CHST15: variants seen among roughly 807,000 people sequenced by gnomAD.
CHST15 encodes the protein B cell RAG associated protein (GALNAC4S-6ST).
Under a neutral mutation model 53.6 loss-of-function variants are expected in CHST15, and 30 were observed. The observed-to-expected ratio is 0.56, with a 90% CI of 0.42 to 0.76. The LOEUF is 0.76. CHST15 is among the 30% of genes least tolerant of loss of function. CHST15 has a pLI of 0.00. For missense variants in CHST15, 627 were observed against 740.5 expected, an observed-to-expected ratio of 0.85 and a Z score of 1.78; for synonymous variants, 296 against 289.8, an observed-to-expected ratio of 1.02 and a Z score of -0.22.
intron 4 of CHST15, among the ~76,000 whole-genome samples, chr10:124,039,467 G>C (rs1590239624): frequency 6.6e-6 from 1 of 152,238 alleles, no homozygotes; most frequent in African/African-American, 2.4e-5. Context: ...TCATCACAGA[G>C]CATACTCTAA....
chr10:124,028,473 C>T (rs1320886782), intron 5 of CHST15, among the ~76,000 whole-genome samples: 7 of 151,576 alleles, frequency 4.6e-5, no homozygotes, highest in African/African-American at 1.2e-4. Context: ...AAATGATCCA[C>T]GTACCGTAGC....
At chr10:124,039,074 AAC>A (rs1192736895) in intron 4 of CHST15, among the ~76,000 whole-genome samples, 1 of 152,292 alleles carries the variant, frequency 6.6e-6, no homozygotes, top group African/African-American at 2.4e-5. Context: ...CTGTCAGAAA[AAC>A]ACGCCAAAAC....
chr10:124,043,979 GCAGCACAGAGCAGAGGAA>G (rs1564879034), intron 3 of CHST15, among the ~76,000 whole-genome samples: 5 of 136,298 alleles, frequency 3.7e-5, no homozygotes, highest in South Asian at 2.3e-4. Flanking sequence ...AGAGCAGGGA[GCAGCACAGAGCAGAGGAA>G]CAGCACAGAG....
At chr10:124,020,292 G>A in intron 6 of CHST15, 1 of 985,490 alleles carries the variant, frequency 1.0e-6, no homozygotes, top group African/African-American at 1.7e-5. Flanking sequence ...CCAGCAAATG[G>A]CCAAGCTGGA....
At chr10:124,015,796 T>C (rs918785513) in intron 6 of CHST15, among the ~76,000 whole-genome samples, 2 of 152,134 alleles carry the variant, frequency 1.3e-5, no homozygotes, top group African/African-American at 4.8e-5. Flanking sequence ...GAAACAGACT[T>C]CCGCGATCAC....
intron 1 of CHST15, among the ~76,000 whole-genome samples, chr10:124,054,947 C>A (rs1948325752): frequency 6.6e-6 from 1 of 152,140 alleles, no homozygotes; most frequent in African/African-American, 2.4e-5. Flanking sequence ...ATACTCCAAG[C>A]CATAGACTCC....
chr10:124,058,251 C>T (rs973846907), intron 1 of CHST15, among the ~76,000 whole-genome samples: 9 of 152,216 alleles, frequency 5.9e-5, no homozygotes, highest in African/African-American at 1.9e-4. Context: ...CGAGGACAGT[C>T]ATATAGCTGC....
At chr10:124,043,017 T>C (rs1197703650) in intron 3 of CHST15, among the ~76,000 whole-genome samples, 1 of 152,164 alleles carries the variant, frequency 6.6e-6, no homozygotes, top group African/African-American at 2.4e-5. Flanking sequence ...GATCATACTC[T>C]AGACAGACAT....
chr10:124,039,865 A>G (rs1358738894), intron 4 of CHST15, among the ~76,000 whole-genome samples: 1 of 152,224 alleles, frequency 6.6e-6, no homozygotes, highest in Non-Finnish European at 1.5e-5. Context: ...ACCACAGGAC[A>G]CATCTGAAAG....
At position 124,068,405 on chromosome 10, in the gene CHST15, C is replaced by CCAAGCAAAGA. The variant is rs757561421; in HGVS notation, c.-512-21682_-512-21681insTCTTTGCTTG. On this transcript the variant is annotated intron_variant, in intron 1 of 7. Transcript: ENST00000435907. ...GGAAGCACCAAGCAAGGACAGGGCACCTGGGAAGTTCAGGAATCGTTGGCA... is the reference window on the plus strand; with the variant it reads ...GGAAGCACCAAGCAAGGACAGGGCACCAAGCAAAGACTGGGAAGTTCAGGAATCGTTGGCA... Among the ~76,000 whole-genome samples, 226 of 152,270 alleles carry CCAAGCAAAGA rather than the reference C, an allele frequency of 1.5e-3. 1 individual carries two copies. The highest frequency in any genetic ancestry group is 1.1e-3 in the Non-Finnish European group (77 of 68,028).
intron 6 of CHST15, among the ~76,000 whole-genome samples, chr10:124,016,807 T>C (rs1432229244): frequency 2.0e-5 from 3 of 152,192 alleles, no homozygotes; most frequent in African/African-American, 7.2e-5. Context: ...CTGGCAGTAA[T>C]GAACAAAGGT....
intron 6 of CHST15, among the ~76,000 whole-genome samples, chr10:124,014,578 C>T (rs966835385): frequency 5.3e-5 from 8 of 152,224 alleles, no homozygotes; most frequent in African/African-American, 1.4e-4. Flanking sequence ...CCAACGCAGA[C>T]GAATCATGAC....
chr10:124,012,467 A>G lies in CHST15; in HGVS notation c.1361T>C (p.Val454Ala). Reference protein sequence around the residue: ...LNNAMPVRLQVGLYAVYLLDW... With the variant: ...LNNAMPVRLQAGLYAVYLLDW... Reference sequence around the variant, plus strand: ...CAGAAGGTACACAGCATAGAGCCCAACCTGGAGCCTCACCTAGGACCACAG... The same window carrying G: ...CAGAAGGTACACAGCATAGAGCCCAGCCTGGAGCCTCACCTAGGACCACAG... The change falls in exon 7 of 8, where the codon GTT (valine) becomes GCT (alanine). Residue 454 changes from valine to alanine, a missense_variant. Coordinates refer to ENST00000435907, the MANE Select transcript of CHST15 (RefSeq NM_001270764.2). 6.2e-7 allele frequency: 1 copy of G among 1,613,224 alleles called. No individual in the cohort carries two copies. Among genetic ancestry groups the G allele is most frequent in the South Asian group, 1.1e-5 (1 of 91,020 alleles).
At chr10:124,087,913 G>A (rs1016439517) in intron 1 of CHST15, among the ~76,000 whole-genome samples, 2 of 152,246 alleles carry the variant, frequency 1.3e-5, no homozygotes, top group Admixed American at 6.5e-5. Context: ...AAGGGTAGCT[G>A]TTTACCAGTG....
chr10:124,018,373 C>G (rs1946657010), intron 6 of CHST15, among the ~76,000 whole-genome samples: 1 of 152,234 alleles, frequency 6.6e-6, no homozygotes, highest in Non-Finnish European at 1.5e-5. Flanking sequence ...AATTTCCTCT[C>G]TTTGCTTTGC....
rs749045697 is a variant in CHST15, at chr10:124,038,681, GAA to G, written c.1034-12_1034-11del. ...GAGGCACTGGCCTCCCCTGGAAACA[GAA>G]AACACTCCAAGTGAGCAGGGGTGTG... On this transcript the variant is annotated splice_polypyrimidine_tract_variant and intron_variant, in intron 4 of 7. Coordinates refer to ENST00000435907, the MANE Select transcript of CHST15 (RefSeq NM_001270764.2). The G allele has an allele frequency of 6.2e-7, 1 of 1,613,656 alleles. No individual in the cohort carries two copies. The highest frequency in any genetic ancestry group is 8.5e-7 in the Non-Finnish European group (1 of 1,179,774).
chr10:124,012,113 T>C (rs1402098509), intron 7 of CHST15, among the ~76,000 whole-genome samples: 1 of 152,160 alleles, frequency 6.6e-6, no homozygotes, highest in Non-Finnish European at 1.5e-5. Flanking sequence ...AACCATCTCC[T>C]TCTCTCCAGA....
In CHST15 at chr10:124,010,047, G is replaced by A; in HGVS notation, c.*102C>T. Reference sequence around the variant, plus strand: ...GTGCCTAGAGTGGCAGAGTCCTGGGGTTTTCCATACCATGAGTGAAACAGT... The same window carrying A: ...GTGCCTAGAGTGGCAGAGTCCTGGGATTTTCCATACCATGAGTGAAACAGT... On this transcript the variant is annotated 3_prime_UTR_variant, in exon 8 of 8. Transcript: ENST00000435907. 3.1e-6 allele frequency: 5 copies of A among 1,593,334 alleles called. No homozygotes were observed. Among genetic ancestry groups the A allele is most frequent in the Non-Finnish European group, 4.3e-6 (5 of 1,170,898 alleles).
At chr10:124,047,968 T>C (rs866933668) in intron 1 of CHST15, among the ~76,000 whole-genome samples, 2 of 152,194 alleles carry the variant, frequency 1.3e-5, no homozygotes, top group Admixed American at 6.5e-5. Context: ...ACTGTCTCCA[T>C]AGAGGCAGCA....
Sources: allele counts gnomAD v4.1 joint callset (sites outside exome capture counted in the v4.1 genomes callset), GRCh38; gene constraint gnomAD v4.1.1; transcripts MANE v1.5; gene names NCBI Gene and HGNC (gene_info 2026-07-23, HGNC 2026-07-21).